The following RYR2 variants were observed in gnomAD, a reference collection of about 807,000 sequenced individuals.
RYR2 encodes cardiac muscle ryanodine receptor-calcium release channel.
Under a neutral mutation model 601.1 loss-of-function variants are expected in RYR2, and 227 were observed. The ratio of observed to expected loss-of-function variants is 0.38; its 90% CI spans 0.34 to 0.42. The LOEUF is 0.42. Among genes scored for constraint, RYR2 ranks in the 10% least tolerant of loss-of-function variants. The pLI is 1.00. For synonymous variants in RYR2, 2,223 were observed against 2,175.1 expected, an observed-to-expected ratio of 1.02 and a Z score of -0.61; for missense variants, 4,646 against 6,156.5, an observed-to-expected ratio of 0.75 and a Z score of 8.21.
chr1:237,757,589 T>A, intron 81 of RYR2, 108 bp from the exon 82 acceptor site: 1 of 707,940 alleles, frequency 1.4e-6, no homozygotes, highest in Non-Finnish European at 2.5e-6. Context: ...TTAAACAGAT[T>A]GCCTGGGGGG....
intron 1 of RYR2, among the ~76,000 whole-genome samples, chr1:237,065,866 C>T (rs1217134152): frequency 2.0e-5 from 3 of 152,150 alleles, no homozygotes; most frequent in East Asian, 1.9e-4. Context: ...GAAGCAGGCA[C>T]GTCTTACATG....
intron 62 of RYR2, among the ~76,000 whole-genome samples, chr1:237,684,713 A>T (rs1686211316): frequency 6.6e-6 from 1 of 152,004 alleles, no homozygotes; most frequent in Non-Finnish European, 1.5e-5. Flanking sequence ...AAATATTAGC[A>T]TGTGGGGTTA....
intron 10 of RYR2, 22 bp downstream of exon 10, chr1:237,388,205 A>G (rs755469334): frequency 2.5e-6 from 4 of 1,594,428 alleles, no homozygotes; most frequent in South Asian, 1.1e-5. Flanking sequence ...AGCTCATTGC[A>G]TTGAGACTTG....
intron 2 of RYR2, among the ~76,000 whole-genome samples, chr1:237,309,925 G>A (rs1026895773): frequency 1.3e-5 from 2 of 152,200 alleles, no homozygotes; most frequent in Non-Finnish European, 2.9e-5. Context: ...CTCCGAGTGC[G>A]GGACCCGCCG....
Position 237,717,384 on chromosome 1 carries a change from A to G in RYR2, c.10494+16A>G, listed in dbSNP as rs567804333. On this transcript the variant is annotated intron_variant, in intron 72 of 104. Transcript: ENST00000366574. ...ATTTAGCCTGGTAAGTCTCCTTTTC[A>G]TCCCAGCGGTAATGATCATCTGACC... 1 of 1,581,116 alleles carries G rather than the reference A, an allele frequency of 6.3e-7. No individual in the cohort carries two copies.
At chr1:237,801,792 T>G in intron 97 of RYR2, 64 bp from the exon 98 acceptor site, 1 of 1,039,456 alleles carries the variant, frequency 9.6e-7, no homozygotes. Flanking sequence ...CGTCAGGCTC[T>G]CGCAAGCCTA....
chr1:237,477,779 C>T (rs2150348600), intron 17 of RYR2, among the ~76,000 whole-genome samples: 1 of 152,192 alleles, frequency 6.6e-6, no homozygotes, highest in Non-Finnish European at 1.5e-5. Flanking sequence ...CTTCTCAAGC[C>T]AACTTGCCTC....
chr1:237,165,512 G>T (rs193034130), intron 1 of RYR2, among the ~76,000 whole-genome samples: 1 of 152,242 alleles, frequency 6.6e-6, no homozygotes, highest in East Asian at 1.9e-4. Flanking sequence ...ATTATGATCT[G>T]CTTATCCTCA....
At chr1:237,623,711 T>G (rs1404880855) in intron 38 of RYR2, 54 bp from the exon 39 acceptor site, 1 of 1,221,330 alleles carries the variant, frequency 8.2e-7, no homozygotes, top group Middle Eastern at 1.9e-4. Flanking sequence ...CATTCTTGAA[T>G]TCACCTTTCT....
chr1:237,649,869 T>G lies in RYR2; in HGVS notation c.7513-8T>G, dbSNP rs727503402. On this transcript the variant is annotated splice_region_variant and splice_polypyrimidine_tract_variant and intron_variant, in intron 49 of 104. Transcript: ENST00000366574. Reference sequence around the variant, plus strand: ...CAAATGGCCTTCTACTCTCTGATTCTTTTTCAGGCAGCTTTGAGTGCTACA... The same window carrying G: ...CAAATGGCCTTCTACTCTCTGATTCGTTTTCAGGCAGCTTTGAGTGCTACA... The G allele has an allele frequency of 1.9e-6, 3 of 1,611,812 alleles. No individual in the cohort carries two copies. The East Asian group carries it at 6.7e-5, about 36-fold the overall frequency.
intron 1 of RYR2, among the ~76,000 whole-genome samples, chr1:237,063,131 C>T (rs1663093628): frequency 6.6e-6 from 1 of 152,058 alleles, no homozygotes; most frequent in Non-Finnish European, 1.5e-5. Context: ...AGAGAGCTCT[C>T]TTGCTCTACC....
chr1:237,200,575 C>G (rs1681082970), intron 1 of RYR2, among the ~76,000 whole-genome samples: 1 of 152,130 alleles, frequency 6.6e-6, no homozygotes, highest in African/African-American at 2.4e-5. Flanking sequence ...CCATTCCATT[C>G]TTTAATGAAT....
At chr1:237,102,471 A>G (rs995781736) in intron 1 of RYR2, among the ~76,000 whole-genome samples, 1 of 152,190 alleles carries the variant, frequency 6.6e-6, no homozygotes, top group African/African-American at 2.4e-5. Context: ...TAAAGTAGTA[A>G]AGTCACAGTG....
At chr1:237,775,093 A>C (rs1425887612) in intron 87 of RYR2, among the ~76,000 whole-genome samples, 2 of 151,074 alleles carry the variant, frequency 1.3e-5, no homozygotes, top group Non-Finnish European at 2.9e-5. Context: ...AAAAAAAAAA[A>C]AACAGAAGTA....
At position 237,628,011 on chromosome 1, in the gene RYR2, G is replaced by T; in HGVS notation, c.6371G>T (p.Gly2124Val). Residue 2124 changes from glycine (G) to valine (V), a missense_variant, in exon 41 of 105, where the codon GGT becomes GTT. Gly to Val is a moderately radical substitution (Grantham distance 109). Around this residue, in one of 17 missense-constraint regions of RYR2, gnomAD observed 137 missense variants for 273.6 expected, o/e 0.50. Coordinates refer to ENST00000366574, the MANE Select transcript of RYR2 (RefSeq NM_001035.3). ...EDTINLLASL[G>V]QIRSLLSVRM... ...ACCATCAACCTGCTGGCATCCCTTG[G>T]TCAGATTCGGTCCCTGCTGAGTGTG... The T allele has an allele frequency of 6.2e-7, 1 of 1,613,898 alleles. No individual in the cohort carries two copies.
intron 2 of RYR2, among the ~76,000 whole-genome samples, chr1:237,299,350 C>T (rs966553626): frequency 6.6e-6 from 1 of 152,104 alleles, no homozygotes; most frequent in Non-Finnish European, 1.5e-5. Context: ...GGAGATGAAA[C>T]TGACCCTATT....
intron 27 of RYR2, among the ~76,000 whole-genome samples, chr1:237,558,997 CT>C (rs56718406): frequency 1.1e-3 from 155 of 141,022 alleles, no homozygotes; most frequent in Middle Eastern, 3.7e-3. Context: ...CATTTTTGTA[CT>C]TTTTTTTTTT....
In RYR2 at chr1:237,330,936, G is replaced by T; in HGVS notation, c.227G>T (p.Arg76Leu). The change falls in exon 3 of 105, where the codon CGG becomes CTG. Residue 76 changes from arginine (R) to leucine (L), a missense_variant. Physicochemically the swap from Arg to Leu is moderately radical, Grantham distance 102. Around this residue, in one of 17 missense-constraint regions of RYR2, gnomAD observed 153 missense variants for 203.6 expected, o/e 0.75. Transcript: ENST00000366574. ...GTGCTGGAGCAGTCCCTCTCTGTCC[G>T]GGCGCTGCAGGAGATGCTGGCTAAC... Reference protein sequence around the residue: ...TFVLEQSLSVRALQEMLANTV... With the variant: ...TFVLEQSLSVLALQEMLANTV... 1 of 1,613,962 alleles carries T rather than the reference G, an allele frequency of 6.2e-7. No homozygotes were observed. Among genetic ancestry groups the T allele is most frequent in the East Asian group, 2.2e-5 (1 of 44,870 alleles).
chr1:237,457,967 T>A (rs1033611796), intron 16 of RYR2, among the ~76,000 whole-genome samples: 31 of 152,180 alleles, frequency 2.0e-4, no homozygotes, highest in African/African-American at 7.0e-4. Context: ...CAGTTAACCC[T>A]TCCAGCCTTC....
Sources: allele counts gnomAD v4.1 joint callset (sites outside exome capture counted in the v4.1 genomes callset), GRCh38; gene constraint gnomAD v4.1.1; regional missense constraint gnomAD v4.1.1; transcripts MANE v1.5; gene names NCBI Gene and HGNC (gene_info 2026-07-23, HGNC 2026-07-21).